The following LINGO2 variants were observed in gnomAD, a reference collection of about 807,000 sequenced individuals.
LINGO2 encodes leucine rich repeat and Ig domain containing 2.
In LINGO2, 14 loss-of-function variants were observed where a neutral mutation model predicts 30.6. That is an observed-to-expected ratio of 0.46 (90% CI 0.30 to 0.72). LINGO2 has a LOEUF of 0.72. Ranked by LOEUF, LINGO2 falls within the 30% of genes least tolerant of loss-of-function variation. The pLI, the probability that LINGO2 is intolerant of heterozygous loss-of-function variation, is 0.07. For synonymous variants in LINGO2, 317 were observed against 288.5 expected (o/e 1.10, Z -1.00); for missense variants, 729 against 751.7 (o/e 0.97, Z 0.35).
intron 4 of LINGO2, among the ~76,000 whole-genome samples, chr9:28,154,783 CA>C (rs1828089098): frequency 6.6e-6 from 1 of 152,148 alleles, no homozygotes; most frequent in African/African-American, 2.4e-5. Flanking sequence ...AATAGGATTA[CA>C]AGGCAGAATA....
the LINGO2 span, among the ~76,000 whole-genome samples, chr9:28,877,494 T>C: frequency 2.0e-4 from 31 of 152,326 alleles, no homozygotes; most frequent in African/African-American, 6.7e-4. Flanking sequence ...CCCAGCTCCA[T>C]TTATTAAATA....
chr9:28,598,435 C>G (rs72715213), intron 1 of LINGO2, among the ~76,000 whole-genome samples: 3 of 108,548 alleles, frequency 2.8e-5, no homozygotes, highest in Admixed American at 2.6e-4. Flanking sequence ...AAAAAAAAAA[C>G]AAAACAAACA....
the LINGO2 span, among the ~76,000 whole-genome samples, chr9:28,937,364 G>C: frequency 3.9e-5 from 6 of 152,150 alleles, no homozygotes; most frequent in Non-Finnish European, 7.3e-5. Context: ...CAAGGTATGT[G>C]CTTCCAGAAT....
intron 3 of LINGO2, among the ~76,000 whole-genome samples, chr9:28,348,218 G>A (rs1223901302): frequency 6.6e-6 from 1 of 152,136 alleles, no homozygotes; most frequent in Admixed American, 6.6e-5. Flanking sequence ...GGTGATTTCT[G>A]CATTTCCATC....
At chr9:29,207,761 C>T in the LINGO2 span, among the ~76,000 whole-genome samples, 1 of 151,816 alleles carries the variant, frequency 6.6e-6, no homozygotes, top group Non-Finnish European at 1.5e-5. Flanking sequence ...TTTAACTTAC[C>T]CTTGCAGCCA....
At chr9:29,193,416 A>T in the LINGO2 span, among the ~76,000 whole-genome samples, 1 of 152,132 alleles carries the variant, frequency 6.6e-6, no homozygotes, top group South Asian at 2.1e-4. Flanking sequence ...TATCCTCTCC[A>T]GTCATAATGA....
At chr9:29,057,182 C>T in the LINGO2 span, among the ~76,000 whole-genome samples, 1 of 151,690 alleles carries the variant, frequency 6.6e-6, no homozygotes, top group East Asian at 1.9e-4. Flanking sequence ...TTGTAGATTG[C>T]TTTTGGCAGT....
chr9:28,368,746 G>A (rs986667697), intron 3 of LINGO2, among the ~76,000 whole-genome samples: 3 of 151,884 alleles, frequency 2.0e-5, no homozygotes, highest in African/African-American at 4.8e-5. Context: ...ACAGGCGCCC[G>A]CCACCACGCC....
chr9:28,794,912 C>A, the LINGO2 span, among the ~76,000 whole-genome samples: 7 of 151,474 alleles, frequency 4.6e-5, no homozygotes, highest in South Asian at 1.5e-3. Flanking sequence ...CTCACTGCAA[C>A]CTGCGCCTCC....
chr9:28,750,559 A>T, the LINGO2 span, among the ~76,000 whole-genome samples: 1 of 152,048 alleles, frequency 6.6e-6, no homozygotes, highest in Non-Finnish European at 1.5e-5. Context: ...TGCCAACCTG[A>T]TCATTTTTCC....
chr9:28,985,796 A>G, the LINGO2 span, among the ~76,000 whole-genome samples: 1 of 151,974 alleles, frequency 6.6e-6, no homozygotes, highest in Non-Finnish European at 1.5e-5. Context: ...TTGCAAATAT[A>G]TTCTCCCAAT....
At chr9:28,596,183 T>C (rs565583475) in intron 1 of LINGO2, among the ~76,000 whole-genome samples, 2 of 152,278 alleles carry the variant, frequency 1.3e-5, no homozygotes, top group South Asian at 4.1e-4. Flanking sequence ...TTTTCCTTTT[T>C]TCATACCTAA....
At chr9:28,988,703 AG>A in the LINGO2 span, among the ~76,000 whole-genome samples, 1 of 152,360 alleles carries the variant, frequency 6.6e-6, no homozygotes, top group South Asian at 2.1e-4. Flanking sequence ...TAAAGAAACT[AG>A]ATAAGTGCTT....
chr9:27,988,116 C>T (rs1280790450), intron 5 of LINGO2, among the ~76,000 whole-genome samples: 1 of 151,804 alleles, frequency 6.6e-6, no homozygotes, highest in Non-Finnish European at 1.5e-5. Context: ...GTTTTTTTGT[C>T]CTTGTGATAG....
At chr9:28,442,185 T>C (rs1824226138) in intron 2 of LINGO2, among the ~76,000 whole-genome samples, 1 of 152,132 alleles carries the variant, frequency 6.6e-6, no homozygotes, top group African/African-American at 2.4e-5. Flanking sequence ...CTGGTCAGCT[T>C]ACTTTTCATT....
At chr9:29,047,882 A>T in the LINGO2 span, among the ~76,000 whole-genome samples, 6,279 of 151,724 alleles carry the variant, frequency 0.041, 202 homozygotes, top group Admixed American at 0.083. Flanking sequence ...AGATGGATCA[A>T]TTGAGGCCAA....
intron 5 of LINGO2, among the ~76,000 whole-genome samples, chr9:28,009,303 T>C (rs1822431815): frequency 6.6e-6 from 1 of 151,478 alleles, no homozygotes; most frequent in African/African-American, 2.4e-5. Flanking sequence ...GAATACATCT[T>C]CATGATCCTG....
At chr9:28,198,134 G>T (rs1276350008) in intron 4 of LINGO2, among the ~76,000 whole-genome samples, 1 of 148,450 alleles carries the variant, frequency 6.7e-6, no homozygotes. Context: ...ATATATATTT[G>T]AGGAACAACA....
chr9:28,760,684 C>T, the LINGO2 span, among the ~76,000 whole-genome samples: 2 of 151,436 alleles, frequency 1.3e-5, no homozygotes, highest in East Asian at 1.9e-4. Flanking sequence ...CCCCAAAGTC[C>T]ATTGTATCAT....
Sources: allele counts gnomAD v4.1 joint callset (sites outside exome capture counted in the v4.1 genomes callset), GRCh38; gene constraint gnomAD v4.1.1; transcripts MANE v1.5; gene names NCBI Gene and HGNC (gene_info 2026-07-23, HGNC 2026-07-21).